The following OPCML variants were observed in gnomAD, a reference collection of about 807,000 sequenced individuals.
OPCML encodes the protein opioid-binding protein/cell adhesion molecule.
In OPCML, 13 loss-of-function variants were observed where a neutral mutation model predicts 37.8. The ratio of observed to expected loss-of-function variants is 0.34; its 90% CI spans 0.22 to 0.55. OPCML has a LOEUF of 0.55. Among genes scored for constraint, OPCML ranks in the 20% least tolerant of loss-of-function variants. The pLI is 0.91. For missense variants in OPCML, 341 were observed against 435.6 expected (o/e 0.78, Z 1.93); for synonymous variants, 176 against 168.8 (o/e 1.04, Z -0.33).
At chr11:133,006,199 G>A (rs1947107914) in intron 1 of OPCML, 1 of 823,372 alleles carries the variant, frequency 1.2e-6, no homozygotes. Context: ...TCTGTAGTAG[G>A]GAGGAGCCTG....
intron 2 of OPCML, among the ~76,000 whole-genome samples, chr11:132,892,377 A>G (rs1354780029): frequency 6.6e-6 from 1 of 152,212 alleles, no homozygotes; most frequent in Non-Finnish European, 1.5e-5. Flanking sequence ...GGGACAGAAG[A>G]AGGGCTTGTA....
intron 1 of OPCML, among the ~76,000 whole-genome samples, chr11:133,099,041 A>T (rs1209075187): frequency 6.6e-6 from 1 of 152,292 alleles, no homozygotes; most frequent in African/African-American, 2.4e-5. Flanking sequence ...TGAACAAATG[A>T]CATTTGAAAA....
intron 1 of OPCML, chr11:133,423,054 C>G (rs1945924629): frequency 1.0e-6 from 1 of 985,294 alleles, no homozygotes; most frequent in Non-Finnish European, 1.2e-6. Flanking sequence ...CTCTTACTTC[C>G]TTTAGATTTC....
At chr11:133,418,256 G>A (rs1333510567) in intron 1 of OPCML, 1 of 985,286 alleles carries the variant, frequency 1.0e-6, no homozygotes, top group Non-Finnish European at 1.2e-6. Context: ...CAAGTACAAG[G>A]TCAACACCAT....
intron 1 of OPCML, among the ~76,000 whole-genome samples, chr11:132,969,785 T>C (rs1242448976): frequency 6.6e-6 from 1 of 152,224 alleles, no homozygotes; most frequent in Non-Finnish European, 1.5e-5. Flanking sequence ...TTACGTCTTA[T>C]CAATATTCTC....
At chr11:132,867,654 G>T (rs993130298) in intron 2 of OPCML, among the ~76,000 whole-genome samples, 6 of 152,164 alleles carry the variant, frequency 3.9e-5, no homozygotes, top group African/African-American at 1.4e-4. Flanking sequence ...GAGACCCAAA[G>T]AGCTGAAGGG....
chr11:132,603,534 T>C (rs552542440), intron 3 of OPCML, among the ~76,000 whole-genome samples: 4 of 152,358 alleles, frequency 2.6e-5, no homozygotes, highest in South Asian at 2.1e-4. Context: ...AGCAGCTTCC[T>C]AAACTATCTC....
At chr11:133,365,941 T>C (rs912341434) in intron 1 of OPCML, 6 of 152,176 alleles carry the variant, frequency 3.9e-5, no homozygotes, top group Non-Finnish European at 8.8e-5. Context: ...ATGCTGGAAA[T>C]TAGGGAACAT....
At chr11:133,203,796 C>T (rs548735368) in intron 1 of OPCML, among the ~76,000 whole-genome samples, 138 of 152,176 alleles carry the variant, frequency 9.1e-4, no homozygotes, top group Non-Finnish European at 1.5e-3. Flanking sequence ...CCGTGGCTTA[C>T]TCCTGTAATC....
At chr11:132,726,442 T>C (rs1037823849) in intron 2 of OPCML, among the ~76,000 whole-genome samples, 6 of 151,778 alleles carry the variant, frequency 4.0e-5, no homozygotes, top group African/African-American at 1.5e-4. Flanking sequence ...TTCCACTGGG[T>C]CCCTCCCACA....
chr11:132,426,417 G>C (rs150087960), intron 7 of OPCML, among the ~76,000 whole-genome samples: 1 of 152,098 alleles, frequency 6.6e-6, no homozygotes, highest in Non-Finnish European at 1.5e-5. Context: ...TGCTAGGTTT[G>C]TGCAAAAGTC....
intron 3 of OPCML, among the ~76,000 whole-genome samples, chr11:132,630,354 T>C (rs1363889184): frequency 6.6e-6 from 1 of 152,268 alleles, no homozygotes; most frequent in South Asian, 2.1e-4. Context: ...GGTCAAGAGA[T>C]TGAGACCATC....
intron 2 of OPCML, among the ~76,000 whole-genome samples, chr11:132,873,731 A>G (rs1275572620): frequency 6.7e-6 from 1 of 149,210 alleles, no homozygotes; most frequent in Non-Finnish European, 1.5e-5. Context: ...AAAAAAAAAA[A>G]GGAGGAAAGG....
intron 2 of OPCML, among the ~76,000 whole-genome samples, chr11:132,798,560 C>A (rs1938466457): frequency 6.6e-6 from 1 of 152,200 alleles, no homozygotes; most frequent in African/African-American, 2.4e-5. Context: ...GGCTCCATTT[C>A]TAATTCTAGT....
intron 2 of OPCML, among the ~76,000 whole-genome samples, chr11:132,871,450 A>G (rs1249256063): frequency 1.3e-5 from 2 of 152,262 alleles, no homozygotes; most frequent in Non-Finnish European, 2.9e-5. Context: ...GCAATGCAAT[A>G]TCATGACTGT....
chr11:132,437,496 A>T, intron 4 of OPCML, 137 bp from the exon 5 acceptor site: 1 of 1,474,128 alleles, frequency 6.8e-7, no homozygotes, highest in Non-Finnish European at 8.9e-7. Context: ...TCAAAGACAT[A>T]GGGCATCATG....
chr11:133,229,625 A>G (rs534086821), intron 1 of OPCML, among the ~76,000 whole-genome samples: 3 of 152,230 alleles, frequency 2.0e-5, no homozygotes, highest in African/African-American at 7.2e-5. Flanking sequence ...GAGGTTACCA[A>G]GATCTACAGT....
intron 4 of OPCML, among the ~76,000 whole-genome samples, chr11:132,500,146 T>C (rs879509493): frequency 6.6e-6 from 1 of 152,162 alleles, no homozygotes; most frequent in Non-Finnish European, 1.5e-5. Flanking sequence ...AACTAAGTCA[T>C]CAGTAGACCA....
intron 1 of OPCML, among the ~76,000 whole-genome samples, chr11:133,459,790 C>A (rs1241593844): frequency 1.3e-5 from 2 of 152,004 alleles, no homozygotes; most frequent in Non-Finnish European, 2.9e-5. Context: ...TTTAATACTT[C>A]ACTTTCAGTA....
Sources: allele counts gnomAD v4.1 joint callset (sites outside exome capture counted in the v4.1 genomes callset), GRCh38; gene constraint gnomAD v4.1.1; transcripts MANE v1.5; gene names NCBI Gene and HGNC (gene_info 2026-07-23, HGNC 2026-07-21).